INTS4: variants seen among roughly 807,000 people sequenced by gnomAD.
INTS4 encodes MSTP093.
In INTS4, 70 loss-of-function variants were observed where a neutral mutation model predicts 119.5. The ratio of observed to expected loss-of-function variants is 0.59; its 90% confidence interval spans 0.48 to 0.71. INTS4 has a LOEUF of 0.71. INTS4 is among the 30% of genes least tolerant of loss of function. The pLI is 0.00. For synonymous variants in INTS4, 316 were observed against 419.6 expected (o/e 0.75, Z 3.02); for missense variants, 867 against 1,173.2 (o/e 0.74, Z 3.81).
intron 4 of INTS4, among the ~76,000 whole-genome samples, chr11:77,974,895 C>G (rs1488124347): frequency 1.3e-5 from 2 of 152,146 alleles, no homozygotes; most frequent in Admixed American, 6.5e-5. Flanking sequence ...CCACCGCCCT[C>G]GACAGTATCC....
chr11:77,944,155 T>C (rs911247202), intron 8 of INTS4, among the ~76,000 whole-genome samples: 1 of 152,206 alleles, frequency 6.6e-6, no homozygotes, highest in Non-Finnish European at 1.5e-5. Flanking sequence ...AATTTTCTGA[T>C]GTAACACATA....
chr11:77,975,634 T>C (rs978788136), intron 4 of INTS4, among the ~76,000 whole-genome samples: 2 of 152,084 alleles, frequency 1.3e-5, no homozygotes, highest in Non-Finnish European at 2.9e-5. Context: ...GATCTGCCAT[T>C]GACAAACAGT....
Position 77,970,952 on chromosome 11 carries a change from C to T in INTS4, c.471+8044G>A, listed in dbSNP as rs540562200. Among the ~76,000 whole-genome samples, 11 of 152,098 alleles carry T rather than the reference C, an allele frequency of 7.2e-5. No homozygotes were observed. In the East Asian group the frequency reaches 1.2e-3, roughly 16 times the overall value. On this transcript the variant is annotated intron_variant, in intron 4 of 22. Coordinates refer to ENST00000534064, the MANE Select transcript of INTS4 (RefSeq NM_033547.4). ...CCTCCCGAGTAGCTGGGATTACAGGCGCCCACCACCATGCCTGGCTAGTTT... is the reference window on the plus strand; with the variant it reads ...CCTCCCGAGTAGCTGGGATTACAGGTGCCCACCACCATGCCTGGCTAGTTT...
chr11:77,911,957 A>G (rs1953096971), intron 15 of INTS4, among the ~76,000 whole-genome samples: 1 of 152,250 alleles, frequency 6.6e-6, no homozygotes, highest in Admixed American at 6.5e-5. Context: ...CTCTGACTCC[A>G]AAAGTATTTT....
intron 22 of INTS4, among the ~76,000 whole-genome samples, chr11:77,882,585 G>C (rs1360193524): frequency 1.3e-5 from 2 of 152,166 alleles, no homozygotes; most frequent in African/African-American, 4.8e-5. Flanking sequence ...TTGGCAAATA[G>C]TGCAAAAACA....
intron 4 of INTS4, among the ~76,000 whole-genome samples, chr11:77,962,358 G>A (rs1954497016): frequency 6.6e-6 from 1 of 152,178 alleles, no homozygotes; most frequent in Non-Finnish European, 1.5e-5. Flanking sequence ...CTGCATAAGT[G>A]TTCTAGATGT....
At chr11:77,992,016 G>A (rs1259186743) in intron 1 of INTS4, among the ~76,000 whole-genome samples, 1 of 152,022 alleles carries the variant, frequency 6.6e-6, no homozygotes, top group African/African-American at 2.4e-5. Context: ...GTAGAGACAG[G>A]TTTTGCCATG....
chr11:77,957,741 T>TCAC (rs1324628300), intron 7 of INTS4, among the ~76,000 whole-genome samples: 1 of 143,676 alleles, frequency 7.0e-6, no homozygotes, highest in African/African-American at 2.6e-5. Context: ...TGATCTCAGC[T>TCAC]CACCACAATC....
chr11:77,893,620 C>T (rs1381142413), intron 19 of INTS4, among the ~76,000 whole-genome samples: 18 of 151,954 alleles, frequency 1.2e-4, no homozygotes, highest in Middle Eastern at 3.2e-3. Context: ...TCAGACACGG[C>T]GGTGGCTCAC....
At chr11:77,982,136 C>CTTTTTT (rs777434800) in intron 2 of INTS4, among the ~76,000 whole-genome samples, 5 of 131,326 alleles carry the variant, frequency 3.8e-5, no homozygotes, top group Non-Finnish European at 6.6e-5. Flanking sequence ...TTCTACCTGT[C>CTTTTTT]TTTTTTTTTT....
chr11:77,966,992 T>C (rs1454799184), intron 4 of INTS4, among the ~76,000 whole-genome samples: 1 of 152,196 alleles, frequency 6.6e-6, no homozygotes, highest in African/African-American at 2.4e-5. Flanking sequence ...TTCCAATCCT[T>C]GCCAATACTT....
intron 11 of INTS4, among the ~76,000 whole-genome samples, chr11:77,928,117 A>G (rs1379366336): frequency 6.6e-6 from 1 of 152,154 alleles, no homozygotes; most frequent in East Asian, 1.9e-4. Context: ...GTTAGACACT[A>G]TGTATTCCCT....
intron 21 of INTS4, 43 bp downstream of exon 21, chr11:77,891,276 A>G: frequency 1.3e-6 from 2 of 1,590,168 alleles, no homozygotes; most frequent in South Asian, 1.1e-5. Context: ...ACTTCAACAC[A>G]ATGTCAGTCT....
At chr11:77,889,915 A>G (rs1952190022) in intron 21 of INTS4, among the ~76,000 whole-genome samples, 1 of 152,176 alleles carries the variant, frequency 6.6e-6, no homozygotes, top group South Asian at 2.1e-4. Flanking sequence ...AATCTCCTTT[A>G]CGCTCAGGTG....
intron 3 of INTS4, among the ~76,000 whole-genome samples, chr11:77,979,431 C>T (rs759570490): frequency 2.6e-5 from 4 of 151,684 alleles, no homozygotes; most frequent in Non-Finnish European, 5.9e-5. Flanking sequence ...GCCGTAATCG[C>T]GCCACAGCAC....
rs1357926068 is a variant in INTS4 at position 77,956,022 on chromosome 11, C to T, written c.838G>A (p.Val280Ile). 1 of 1,608,138 alleles carries T rather than the reference C, an allele frequency of 6.2e-7. No individual in the cohort carries two copies. The highest frequency in any genetic ancestry group is 1.3e-5 in the African/African-American group (1 of 74,634). Residue 280 changes from valine (V) to isoleucine (I), a missense_variant, in exon 8 of 23, where the codon GTT (valine) becomes ATT (isoleucine). This residue lies in a region of INTS4 where 208 missense variants were observed against 306.6 expected (regional missense o/e 0.68). Coordinates refer to ENST00000534064, the MANE Select transcript of INTS4 (RefSeq NM_033547.4). ...IPSSNEEIRL[V>I]DDAFGKICHM... ...CAAATTTTGCCAAACGCATCATCAA[C>T]TAAGCGTATTTCTTCATTAGAAGAA... is the stretch of plus-strand genomic sequence containing the variant.
intron 2 of INTS4, among the ~76,000 whole-genome samples, chr11:77,984,190 C>T (rs945970915): frequency 1.1e-4 from 16 of 151,944 alleles, no homozygotes; most frequent in African/African-American, 3.4e-4. Context: ...GTTGAAATCA[C>T]GGAGACAAAA....
At chr11:77,953,343 T>C (rs1325138792) in intron 8 of INTS4, among the ~76,000 whole-genome samples, 1 of 152,232 alleles carries the variant, frequency 6.6e-6, no homozygotes, top group Admixed American at 6.5e-5. Flanking sequence ...ATTTATATAC[T>C]ATGCCCCCAC....
At chr11:77,940,121 A>G (rs1044692466) in intron 9 of INTS4, among the ~76,000 whole-genome samples, 3 of 152,118 alleles carry the variant, frequency 2.0e-5, no homozygotes, top group African/African-American at 7.2e-5. Flanking sequence ...ATCAAAGCCT[A>G]AGGGCATTTC....
Sources: allele counts gnomAD v4.1 joint callset (sites outside exome capture counted in the v4.1 genomes callset), GRCh38; gene constraint gnomAD v4.1.1; regional missense constraint gnomAD v4.1.1; transcripts MANE v1.5; gene names NCBI Gene and HGNC (gene_info 2026-07-23, HGNC 2026-07-21).